Variants in SMARCC1 observed in about 807,000 individuals in gnomAD.
SMARCC1 encodes the protein SWI/SNF complex subunit SMARCC1.
In SMARCC1, 43 loss-of-function variants were observed where a neutral mutation model predicts 147.4. The ratio of observed to expected loss-of-function variants is 0.29; its 90% CI spans 0.23 to 0.38. SMARCC1 has a LOEUF of 0.38. Ranked by LOEUF, SMARCC1 falls within the 10% of genes least tolerant of loss-of-function variation. The probability of loss-of-function intolerance (pLI) is 1.00; values close to 1 mark genes in which losing one functional copy is unlikely to be tolerated. For synonymous variants in SMARCC1, 495 were observed against 484.4 expected (o/e 1.02, Z -0.29); for missense variants, 1,119 against 1,381.1 (o/e 0.81, Z 3.01).
intron 25 of SMARCC1, among the ~76,000 whole-genome samples, chr3:47,616,669 C>A (rs2032649927): frequency 6.6e-6 from 1 of 152,098 alleles, no homozygotes; most frequent in Non-Finnish European, 1.5e-5. Flanking sequence ...TGGTCTCAAA[C>A]CCCTGACTTC....
At position 47,617,315 on chromosome 3, in the gene SMARCC1, G is replaced by C. The variant is rs537842872; in HGVS notation, c.2781+4892C>G. On this transcript the variant is annotated intron_variant, in intron 25 of 27. Transcript: ENST00000254480. ...CATCCAACATCACTGCTGGATTCTT[G>C]AATAAGGGGATTCAAAGCAAACATT... Among the ~76,000 whole-genome samples, 3 of 152,324 alleles carry C rather than the reference G, an allele frequency of 2.0e-5. No homozygotes were observed. In the South Asian group the frequency reaches 6.2e-4, roughly 32 times the overall value.
At chr3:47,662,697 T>G in intron 19 of SMARCC1, 105 bp from the exon 20 acceptor site, 2 of 867,474 alleles carry the variant, frequency 2.3e-6, no homozygotes. Flanking sequence ...ATGCAAATAT[T>G]TATGCATAAA....
chr3:47,726,465 T>C (rs1160149146), intron 6 of SMARCC1, among the ~76,000 whole-genome samples: 1 of 152,198 alleles, frequency 6.6e-6, no homozygotes, highest in African/African-American at 2.4e-5. Flanking sequence ...AATCAGTGTT[T>C]TGCTTGCTTT....
intron 21 of SMARCC1, among the ~76,000 whole-genome samples, chr3:47,654,134 C>G (rs2033227938): frequency 6.6e-6 from 1 of 152,184 alleles, no homozygotes. Context: ...TGTAAAAACA[C>G]ATCCCTCATT....
chr3:47,753,808 T>G (rs1164911907), intron 2 of SMARCC1, among the ~76,000 whole-genome samples: 1 of 151,852 alleles, frequency 6.6e-6, no homozygotes, highest in Non-Finnish European at 1.5e-5. Flanking sequence ...TAACACTATG[T>G]TTAGGTCTAT....
intron 21 of SMARCC1, among the ~76,000 whole-genome samples, chr3:47,645,172 G>T (rs147771048): frequency 5.6e-4 from 85 of 152,156 alleles, no homozygotes; most frequent in Non-Finnish European, 1.1e-3. Flanking sequence ...AGCTACAAAG[G>T]AGGCTGTGAA....
At chr3:47,634,740 G>T (rs2032946019) in intron 24 of SMARCC1, among the ~76,000 whole-genome samples, 1 of 152,144 alleles carries the variant, frequency 6.6e-6, no homozygotes, top group Non-Finnish European at 1.5e-5. Flanking sequence ...AGAAGAAAAA[G>T]AGCTATTTTA....
intron 19 of SMARCC1, among the ~76,000 whole-genome samples, chr3:47,670,193 A>G (rs2033477031): frequency 6.6e-6 from 1 of 152,254 alleles, no homozygotes; most frequent in African/African-American, 2.4e-5. Context: ...GGATTTAAGT[A>G]TCAACTATCA....
Position 47,587,177 on chromosome 3 carries a change from T to C in SMARCC1, c.*1032A>G, listed in dbSNP as rs548794824. On this transcript the variant is annotated 3_prime_UTR_variant, in exon 28 of 28. Coordinates refer to ENST00000254480, the MANE Select transcript of SMARCC1 (RefSeq NM_003074.4). ...TAACAAGAGGTAGTTTGGGGACTTG[T>C]ACCCCCAGCCATCCTAACCAAGTTT... The C allele has an allele frequency of 6.5e-6, 1 of 152,726 alleles. No homozygotes were observed. Among genetic ancestry groups the C allele is most frequent in the Admixed American group, 6.5e-5 (1 of 15,296 alleles). 9.5% of individuals were successfully genotyped at this position (152,726 alleles called of 1,614,324 possible).
At chr3:47,781,564 T>G in intron 1 of SMARCC1, 39 bp downstream of exon 1, 1 of 1,430,950 alleles carries the variant, frequency 7.0e-7, no homozygotes, top group Non-Finnish European at 9.2e-7. Flanking sequence ...CCGGCCCCGG[T>G]CGCGTGGTCT....
intron 5 of SMARCC1, among the ~76,000 whole-genome samples, chr3:47,734,125 G>A (rs1321401492): frequency 1.3e-5 from 2 of 152,112 alleles, no homozygotes; most frequent in Admixed American, 6.6e-5. Flanking sequence ...GACAAAAAGA[G>A]TAGGTAATTT....
intron 16 of SMARCC1, 41 bp downstream of exon 16, chr3:47,678,157 T>C (rs1165757430): frequency 8.4e-7 from 1 of 1,196,292 alleles, no homozygotes; most frequent in Non-Finnish European, 1.2e-6. Flanking sequence ...CATAAGTAAA[T>C]TCCTACAGTT....
chr3:47,588,080 CG>C lies in SMARCC1; in HGVS notation c.*128del, dbSNP rs765233508. On this transcript the variant is annotated 3_prime_UTR_variant, in exon 28 of 28. Transcript: ENST00000254480. ...GGGTGGTAAGAGGAGTGGGGAGGCA[CG>C]GGACACGTGCTTGGAGCTGTGAGAA... 4.2e-6 allele frequency: 3 copies of C among 709,944 alleles called. No homozygotes were observed. Among genetic ancestry groups the C allele is most frequent in the South Asian group, 3.5e-5 (2 of 57,108 alleles). 44.0% of individuals were successfully genotyped at this position (709,944 alleles called of 1,614,324 possible).
chr3:47,730,964 G>C (rs2034366683), intron 5 of SMARCC1, among the ~76,000 whole-genome samples: 1 of 152,046 alleles, frequency 6.6e-6, no homozygotes, highest in African/African-American at 2.4e-5. Flanking sequence ...GCAGCTGACT[G>C]ATCAAGGTGG....
intron 2 of SMARCC1, among the ~76,000 whole-genome samples, chr3:47,765,634 T>C (rs1303842696): frequency 1.3e-5 from 2 of 152,264 alleles, no homozygotes; most frequent in Admixed American, 6.5e-5. Context: ...CCTAGTCCCA[T>C]GTTCCCAAAG....
chr3:47,777,251 T>A (rs1453604048), intron 1 of SMARCC1, among the ~76,000 whole-genome samples: 2 of 148,360 alleles, frequency 1.3e-5, no homozygotes, highest in Non-Finnish European at 3.0e-5. Flanking sequence ...CCTGGCTAAT[T>A]TTTGTATTTT....
In SMARCC1 at chr3:47,661,313, G is replaced by A. The variant is rs767970861; in HGVS notation, c.2301C>T (p.Pro767=). ...ACTCACCAAGCTTCTCTGGCTCATC[G>A]GGCCCTGTGCCTGCAATGCAGCTGC... The part of the protein sequence containing the change: ...LESSCIAGTG[P]DEPEKLEGAE... The change falls in exon 21 of 28, where the codon CCC becomes CCT. Residue 767 remains proline, a synonymous_variant. Coordinates refer to ENST00000254480, the MANE Select transcript of SMARCC1 (RefSeq NM_003074.4). 16 of 1,611,422 alleles carry A rather than the reference G, an allele frequency of 9.9e-6. No individual in the cohort carries two copies. Among genetic ancestry groups the A allele is most frequent in the East Asian group, 4.5e-5 (2 of 44,842 alleles).
At chr3:47,599,986 T>G (rs932139903) in intron 26 of SMARCC1, among the ~76,000 whole-genome samples, 1 of 152,212 alleles carries the variant, frequency 6.6e-6, no homozygotes, top group African/African-American at 2.4e-5. Flanking sequence ...CCCATTTACC[T>G]ATTACCCTAC....
chr3:47,595,940 G>A (rs2032271735), intron 26 of SMARCC1, among the ~76,000 whole-genome samples: 1 of 151,438 alleles, frequency 6.6e-6, no homozygotes, highest in African/African-American at 2.4e-5. Flanking sequence ...TCACAATGTT[G>A]GCTAGGAAGG....
Sources: allele counts gnomAD v4.1 joint callset (sites outside exome capture counted in the v4.1 genomes callset), GRCh38; gene constraint gnomAD v4.1.1; transcripts MANE v1.5; gene names NCBI Gene and HGNC (gene_info 2026-07-23, HGNC 2026-07-21).